The following ARHGEF38 variants were observed in gnomAD, a reference collection of about 807,000 sequenced individuals.
The protein encoded by ARHGEF38 is Rho guanine nucleotide exchange factor (GEF) 38.
Under a neutral mutation model 79.9 loss-of-function variants are expected in ARHGEF38, and 79 were observed. The observed-to-expected ratio is 0.99, with a 90% CI of 0.82 to 1.19. The LOEUF is 1.19. Ranked by LOEUF, ARHGEF38 falls within the 50% of genes most tolerant of loss-of-function variation. The pLI, the probability that ARHGEF38 is intolerant of heterozygous loss-of-function variation, is 0.00. For missense variants in ARHGEF38, 962 were observed against 907.2 expected (o/e 1.06, Z -0.78); for synonymous variants, 366 against 328.3 (o/e 1.11, Z -1.24).
chr4:105,601,223 T>C (rs1298155175), intron 2 of ARHGEF38, among the ~76,000 whole-genome samples: 3 of 152,168 alleles, frequency 2.0e-5, no homozygotes, highest in Non-Finnish European at 4.4e-5. Context: ...TCTTCACTCT[T>C]TCTTGAACAA....
At chr4:105,582,285 C>G (rs567870148) in intron 1 of ARHGEF38, among the ~76,000 whole-genome samples, 1 of 146,788 alleles carries the variant, frequency 6.8e-6, no homozygotes, top group Admixed American at 6.8e-5. Context: ...ATTCTATTTT[C>G]TTTTGGCTTA....
chr4:105,645,051 C>A, intron 5 of ARHGEF38, 137 bp from the exon 6 acceptor site: 1 of 757,396 alleles, frequency 1.3e-6, no homozygotes, highest in Non-Finnish European at 1.9e-6. Flanking sequence ...TTTGCTCTTG[C>A]TTTTATTTAG....
intron 3 of ARHGEF38, among the ~76,000 whole-genome samples, chr4:105,616,452 A>T (rs930245748): frequency 9.2e-5 from 14 of 152,116 alleles, no homozygotes; most frequent in African/African-American, 3.1e-4. Context: ...ACACTGTGGC[A>T]GGAGAGAGAG....
intron 2 of ARHGEF38, among the ~76,000 whole-genome samples, chr4:105,602,812 G>T (rs796181133): frequency 6.6e-6 from 1 of 152,064 alleles, no homozygotes; most frequent in Admixed American, 6.6e-5. Context: ...TTTTGACAAA[G>T]GTAGTTGTTC....
At chr4:105,624,371 C>G (rs559597860) in intron 3 of ARHGEF38, among the ~76,000 whole-genome samples, 1 of 152,232 alleles carries the variant, frequency 6.6e-6, no homozygotes, top group South Asian at 2.1e-4. Flanking sequence ...TGTCAGTTTT[C>G]CAGTCTACTC....
intron 2 of ARHGEF38, among the ~76,000 whole-genome samples, chr4:105,594,563 A>G (rs983365839): frequency 6.6e-6 from 1 of 152,182 alleles, no homozygotes; most frequent in East Asian, 1.9e-4. Context: ...CCCAGTAAAA[A>G]CAAAACAAAA....
chr4:105,599,709 C>T (rs1430452180), intron 2 of ARHGEF38, among the ~76,000 whole-genome samples: 2 of 152,096 alleles, frequency 1.3e-5, no homozygotes, highest in East Asian at 3.9e-4. Context: ...AAATCCTGGA[C>T]TCCAAACAAT....
intron 13 of ARHGEF38, among the ~76,000 whole-genome samples, chr4:105,667,939 G>A (rs545900402): frequency 2.6e-5 from 4 of 152,268 alleles, no homozygotes; most frequent in African/African-American, 7.2e-5. Context: ...GCACAAAGTA[G>A]ACACACAATA....
intron 2 of ARHGEF38, among the ~76,000 whole-genome samples, chr4:105,594,457 C>T (rs889658151): frequency 3.9e-5 from 6 of 152,184 alleles, no homozygotes; most frequent in African/African-American, 1.4e-4. Flanking sequence ...CCTGGGGCAA[C>T]ATAAATATTT....
At chr4:105,590,531 A>G (rs1727287650) in intron 2 of ARHGEF38, among the ~76,000 whole-genome samples, 1 of 152,224 alleles carries the variant, frequency 6.6e-6, no homozygotes, top group Non-Finnish European at 1.5e-5. Context: ...ATATCTTGTA[A>G]CATACTTGTT....
intron 2 of ARHGEF38, among the ~76,000 whole-genome samples, chr4:105,600,810 C>G (rs1727789051): frequency 6.6e-6 from 1 of 152,174 alleles, no homozygotes; most frequent in Non-Finnish European, 1.5e-5. Flanking sequence ...CTTCCAGTTG[C>G]TCAGGCAAAA....
At chr4:105,652,825 A>C (rs1266560430) in intron 7 of ARHGEF38, among the ~76,000 whole-genome samples, 1 of 152,196 alleles carries the variant, frequency 6.6e-6, no homozygotes, top group African/African-American at 2.4e-5. Context: ...ATTCCAAAGA[A>C]CTCTGCTGCC....
chr4:105,663,794 AC>A (rs954339318), intron 10 of ARHGEF38, among the ~76,000 whole-genome samples: 1 of 152,168 alleles, frequency 6.6e-6, no homozygotes, highest in Non-Finnish European at 1.5e-5. Flanking sequence ...ACATGGCGAA[AC>A]CTTGTCTCTA....
chr4:105,625,064 A>C (rs1175864081), intron 3 of ARHGEF38, among the ~76,000 whole-genome samples: 1 of 152,200 alleles, frequency 6.6e-6, no homozygotes, highest in Admixed American at 6.5e-5. Context: ...TTTGGGATAT[A>C]TCTCAGGCCA....
intron 1 of ARHGEF38, among the ~76,000 whole-genome samples, chr4:105,553,779 G>C (rs769141243): frequency 1.3e-5 from 2 of 151,746 alleles, no homozygotes; most frequent in African/African-American, 4.8e-5. Context: ...TCTTTTCTTC[G>C]GTACTTGTTA....
At chr4:105,663,789 G>C (rs957285552) in intron 10 of ARHGEF38, among the ~76,000 whole-genome samples, 10 of 152,046 alleles carry the variant, frequency 6.6e-5, no homozygotes, top group African/African-American at 2.4e-4. Flanking sequence ...AGCCAACATG[G>C]CGAAACCTTG....
At chr4:105,569,309 TTGAATTTAGCCTGAATAATAGCAG>T (rs1726100087) in intron 1 of ARHGEF38, among the ~76,000 whole-genome samples, 1 of 152,228 alleles carries the variant, frequency 6.6e-6, no homozygotes, top group Non-Finnish European at 1.5e-5. Context: ...CCTAGCTCAT[TTGAATTTAGCCTGAATAATAGCAG>T]TGCACATTAG....
chr4:105,619,518 G>T (rs1428745948), intron 3 of ARHGEF38, among the ~76,000 whole-genome samples: 2 of 151,902 alleles, frequency 1.3e-5, no homozygotes, highest in African/African-American at 4.8e-5. Context: ...TTTTCCTGTG[G>T]TAATTGCTAA....
intron 5 of ARHGEF38, among the ~76,000 whole-genome samples, chr4:105,637,384 C>A (rs890053466): frequency 2.6e-4 from 39 of 152,068 alleles, no homozygotes; most frequent in African/African-American, 9.4e-4. Flanking sequence ...GACAGGCAAC[C>A]AGTTCTCTCA....
Sources: gnomAD v4.1 joint callset for allele counts (sites outside exome capture counted in the v4.1 genomes callset) on GRCh38, gnomAD v4.1.1 for gene constraint, MANE v1.5 for transcripts, NCBI Gene and HGNC (gene_info 2026-07-23, HGNC 2026-07-21) for gene names.